Variants in AMOTL1 observed in about 807,000 individuals in gnomAD.
AMOTL1 encodes angiomotin-like protein 1.
AMOTL1 carries 45 observed loss-of-function variants against 102.9 expected under a neutral mutation model. The observed-to-expected ratio is 0.44, with a 90% confidence interval of 0.34 to 0.56. AMOTL1 has a LOEUF of 0.56. Among genes scored for constraint, AMOTL1 ranks in the 20% least tolerant of loss-of-function variants. The probability of loss-of-function intolerance (pLI) is 0.01; values close to 1 mark genes in which losing one functional copy is unlikely to be tolerated. For missense variants in AMOTL1, 1,114 were observed against 1,225.6 expected, an observed-to-expected ratio of 0.91 and a Z score of 1.36; for synonymous variants, 481 against 484.7, an observed-to-expected ratio of 0.99 and a Z score of 0.10.
intron 3 of AMOTL1, among the ~76,000 whole-genome samples, chr11:94,802,166 C>G (rs1951490578): frequency 6.6e-6 from 1 of 152,194 alleles, no homozygotes; most frequent in Non-Finnish European, 1.5e-5. Flanking sequence ...GTGGGCATAA[C>G]CGGACTCCTC....
chr11:94,796,297 G>A (rs1951363327), intron 2 of AMOTL1, among the ~76,000 whole-genome samples: 2 of 152,192 alleles, frequency 1.3e-5, no homozygotes, highest in Non-Finnish European at 2.9e-5. Flanking sequence ...GGGTGACAGG[G>A]AGAGCCTTAT....
chr11:94,869,485 AC>A lies in AMOTL1; in HGVS notation c.2764+16del. 6.3e-7 allele frequency: 1 copy of A among 1,581,086 alleles called. No homozygotes were observed. Among genetic ancestry groups the A allele is most frequent in the Non-Finnish European group, 8.6e-7 (1 of 1,162,306 alleles). On this transcript the variant is annotated intron_variant, in intron 12 of 12. Transcript: ENST00000433060. ...CGCAGAGAAACTGGGTATGTGGGCT[AC>A]CCCACCTTGATGCCCCTGAAAACTG...
upstream of AMOTL1, chr11:94,768,340 C>T (rs575563481): frequency 2.0e-4 from 269 of 1,359,190 alleles, 1 homozygote; most frequent in Admixed American, 1.2e-3. Context: ...GAGCGGGGAG[C>T]GCGGACGGCG....
At chr11:94,759,557 T>G (rs1950766452) in intron 3 of AMOTL1, among the ~76,000 whole-genome samples, 2 of 126,332 alleles carry the variant, frequency 1.6e-5, no homozygotes, top group African/African-American at 6.0e-5. Context: ...GTGAAGTTTT[T>G]CATCTTTTAG....
intron 9 of AMOTL1, among the ~76,000 whole-genome samples, chr11:94,863,421 C>A (rs1478286819): frequency 1.3e-5 from 2 of 151,964 alleles, no homozygotes; most frequent in Non-Finnish European, 2.9e-5. Flanking sequence ...GGTGAAACAC[C>A]ATTTCTACTA....
At chr11:94,768,884 A>G (rs1036623070) in intron 1 of AMOTL1, among the ~76,000 whole-genome samples, 10 of 151,270 alleles carry the variant, frequency 6.6e-5, no homozygotes, top group African/African-American at 2.2e-4. Context: ...ATGGCCAGAC[A>G]CTCCGAGGCG....
chr11:94,810,394 G>A (rs1294850336), intron 3 of AMOTL1, among the ~76,000 whole-genome samples: 1 of 150,328 alleles, frequency 6.7e-6, no homozygotes, highest in African/African-American at 2.5e-5. Context: ...CTTTCATAGT[G>A]CACTTTTTTT....
chr11:94,812,078 G>A (rs1356292674), intron 3 of AMOTL1, among the ~76,000 whole-genome samples: 6 of 152,154 alleles, frequency 3.9e-5, no homozygotes, highest in Admixed American at 3.9e-4. Flanking sequence ...TCTCCGGAGG[G>A]GAAGTTGCCA....
At chr11:94,760,341 G>A (rs1950776619) in intron 3 of AMOTL1, among the ~76,000 whole-genome samples, 1 of 152,146 alleles carries the variant, frequency 6.6e-6, no homozygotes, top group African/African-American at 2.4e-5. Context: ...CACATAGGTT[G>A]AATAGAAAGG....
chr11:94,765,194 C>T (rs553125802), upstream of AMOTL1, among the ~76,000 whole-genome samples: 1 of 152,336 alleles, frequency 6.6e-6, no homozygotes, highest in East Asian at 1.9e-4. Flanking sequence ...CAACTTGGGT[C>T]ACTTTAGAAA....
chr11:94,817,284 A>G (rs1018616164), intron 3 of AMOTL1, among the ~76,000 whole-genome samples: 1 of 151,868 alleles, frequency 6.6e-6, no homozygotes, highest in Non-Finnish European at 1.5e-5. Context: ...ACAACTTGTG[A>G]TCCTGTTTTG....
chr11:94,726,162 C>G (rs1950254080), intron 1 of AMOTL1, among the ~76,000 whole-genome samples: 1 of 152,124 alleles, frequency 6.6e-6, no homozygotes, highest in African/African-American at 2.4e-5. Context: ...GTAGATGGAC[C>G]CATAAAAGAA....
chr11:94,726,346 A>C (rs967337419), intron 1 of AMOTL1, among the ~76,000 whole-genome samples: 5 of 152,292 alleles, frequency 3.3e-5, no homozygotes, highest in Admixed American at 2.0e-4. Context: ...CTTCACCCAC[A>C]CTGGGCATTT....
chr11:94,851,798 T>C (rs1184519344), intron 7 of AMOTL1, among the ~76,000 whole-genome samples: 1 of 152,252 alleles, frequency 6.6e-6, no homozygotes, highest in Admixed American at 6.5e-5. Context: ...TGTTGGCTGA[T>C]GTAATTACTG....
rs1181689873 is a variant in AMOTL1, at chr11:94,873,136, C to T, written c.*2341C>T. 3 of 152,262 alleles carry T rather than the reference C, an allele frequency of 2.0e-5. No individual in the cohort carries two copies. The highest frequency in any genetic ancestry group is 4.4e-5 in the Non-Finnish European group (3 of 68,022). 9.4% of individuals were successfully genotyped at this position (152,262 alleles called of 1,614,324 possible). A position where few individuals can be genotyped will look rare whatever the true frequency, so the allele number is the denominator to read the frequency against. On this transcript the variant is annotated 3_prime_UTR_variant, in exon 13 of 13. Transcript: ENST00000433060. ...AAGCCTCGTCTTCATGCCCCAGACA[C>T]CTGATTGCCCCAATCAGGTGTCAGA...
At chr11:94,862,207 G>A (rs983824813) in intron 9 of AMOTL1, among the ~76,000 whole-genome samples, 1 of 152,126 alleles carries the variant, frequency 6.6e-6, no homozygotes, top group African/African-American at 2.4e-5. Context: ...CTTCTGGGTG[G>A]GGGAATAGGT....
rs1314528515 is a variant in AMOTL1, at chr11:94,873,055, C to G, written c.*2260C>G. On this transcript the variant is annotated 3_prime_UTR_variant, in exon 13 of 13. Transcript: ENST00000433060. ...ACCATCAGGTCTGGGCCACCCCAAA[C>G]TTGGGCTGCCTCCCTTAGACATAGG... 6.6e-6 allele frequency: 1 copy of G among 152,180 alleles called. No individual in the cohort carries two copies. The allele number at this position is 152,180 out of a possible 1,614,324, so 9.4% of individuals were successfully genotyped here.
intron 1 of AMOTL1, among the ~76,000 whole-genome samples, chr11:94,788,316 T>C (rs1951226510): frequency 6.6e-6 from 1 of 152,226 alleles, no homozygotes; most frequent in African/African-American, 2.4e-5. Context: ...AATAATGTAC[T>C]CATGCTTTTA....
Position 94,799,779 on chromosome 11 carries a change from C to A in AMOTL1, c.589C>A (p.Gln197Lys). Residue 197 changes from glutamine (Q) to lysine (K), a missense_variant, in exon 3 of 13, where the codon CAG (glutamine) becomes AAG (lysine). Coordinates refer to ENST00000433060, the MANE Select transcript of AMOTL1 (RefSeq NM_130847.3). The surrounding 1 kb of genome is among the most constrained non-coding windows in gnomAD (Gnocchi z 4.5). ...GCCCACTTACGAGGAGGCCAAAGCACAGTCGCAGTTCTTCAGGGGGCAGCA... is the reference window on the plus strand; with the variant it reads ...GCCCACTTACGAGGAGGCCAAAGCAAAGTCGCAGTTCTTCAGGGGGCAGCA... ...ELPTYEEAKA[Q>K]SQFFRGQQQQ... 6.2e-7 allele frequency: 1 copy of A among 1,605,618 alleles called. No homozygotes were observed. Among genetic ancestry groups the A allele is most frequent in the Non-Finnish European group, 8.5e-7 (1 of 1,175,268 alleles).
Sources: gnomAD v4.1 joint callset for allele counts (sites outside exome capture counted in the v4.1 genomes callset) on GRCh38, gnomAD v4.1.1 for gene constraint, Gnocchi (gnomAD v3.1) non-coding constraint, MANE v1.5 for transcripts, NCBI Gene and HGNC (gene_info 2026-07-23, HGNC 2026-07-21) for gene names.